C4BPA: variants seen among roughly 807,000 people sequenced by gnomAD.
The protein encoded by C4BPA is C4b-binding protein alpha chain.
C4BPA carries 31 observed loss-of-function variants against 63.7 expected under a neutral mutation model. The observed-to-expected ratio is 0.49, with a 90% CI of 0.37 to 0.66. C4BPA has a LOEUF of 0.66. C4BPA is among the 30% of genes least tolerant of loss of function. The pLI is 0.00. For missense variants in C4BPA, 572 were observed against 723.3 expected, an observed-to-expected ratio of 0.79 and a Z score of 2.40; for synonymous variants, 259 against 254.7, an observed-to-expected ratio of 1.02 and a Z score of -0.16.
chr1:207,135,482 G>C (rs1376259272), intron 9 of C4BPA, among the ~76,000 whole-genome samples: 1 of 152,160 alleles, frequency 6.6e-6, no homozygotes, highest in African/African-American at 2.4e-5. Context: ...TCCATCAATA[G>C]GAAAATTCCT....
At chr1:207,141,760 G>A (rs1003010143) in intron 10 of C4BPA, among the ~76,000 whole-genome samples, 5 of 152,084 alleles carry the variant, frequency 3.3e-5, no homozygotes, top group East Asian at 1.9e-4. Context: ...AGGGGGACTC[G>A]TAGTTTGCAG....
chr1:207,114,257 C>T lies in C4BPA; in HGVS notation c.300C>T (p.Gly100=), dbSNP rs756182911. Residue 100 remains glycine (G), a synonymous_variant, in exon 3 of 12, where the codon GGC becomes GGT. Coordinates refer to ENST00000367070, the MANE Select transcript of C4BPA (RefSeq NM_000715.4). ...AGACGCTTACCTGTAATTCTGATGG[C>T]GAATGGGTGTATAACACCTTCTGTA... is the stretch of plus-strand genomic sequence containing the variant. ...STQTLTCNSD[G]EWVYNTFCIY... 33 of 1,612,718 alleles carry T rather than the reference C, an allele frequency of 2.0e-5. No individual in the cohort carries two copies. In the South Asian group the frequency reaches 2.1e-4, roughly 10 times the overall value.
intron 9 of C4BPA, among the ~76,000 whole-genome samples, chr1:207,138,885 A>T (rs1171489870): frequency 6.6e-6 from 1 of 152,158 alleles, no homozygotes; most frequent in African/African-American, 2.4e-5. Flanking sequence ...TGAAAATTGT[A>T]TTGATGTGGC....
At chr1:207,133,188 A>G (rs12087872) in intron 8 of C4BPA, among the ~76,000 whole-genome samples, 39,697 of 152,192 alleles carry the variant, frequency 0.26, 5,378 homozygotes, top group South Asian at 0.29. Context: ...TATTTTCTGC[A>G]CTGCAAAGCA....
intron 9 of C4BPA, among the ~76,000 whole-genome samples, chr1:207,140,804 A>G (rs1685397651): frequency 1.3e-5 from 2 of 152,290 alleles, no homozygotes; most frequent in East Asian, 3.9e-4. Context: ...TATGAGTATG[A>G]TATGACCTAA....
At chr1:207,106,880 C>T (rs191011937) in intron 1 of C4BPA, among the ~76,000 whole-genome samples, 5 of 152,240 alleles carry the variant, frequency 3.3e-5, no homozygotes, top group East Asian at 3.9e-4. Context: ...TGATAATCTG[C>T]GTGATAAAAC....
chr1:207,112,349 TG>T (rs749570809), intron 1 of C4BPA, among the ~76,000 whole-genome samples: 1,721 of 138,814 alleles, frequency 0.012, 42 homozygotes, highest in African/African-American at 0.051. Flanking sequence ...CCTGCCTTTT[TG>T]TTTTTTTTTT....
At chr1:207,141,002 G>C in intron 9 of C4BPA, 104 bp from the exon 10 acceptor site, 1 of 839,778 alleles carries the variant, frequency 1.2e-6, no homozygotes, top group Non-Finnish European at 1.8e-6. Context: ...AGCGAGGATA[G>C]AAGGACAGAA....
chr1:207,116,958 C>T (rs563484713), intron 4 of C4BPA, among the ~76,000 whole-genome samples: 3 of 152,130 alleles, frequency 2.0e-5, no homozygotes, highest in East Asian at 1.9e-4. Context: ...ATTCAATGCC[C>T]GTATTTTTCC....
intron 4 of C4BPA, among the ~76,000 whole-genome samples, chr1:207,122,976 T>G (rs1333488722): frequency 6.6e-6 from 1 of 152,206 alleles, no homozygotes; most frequent in Non-Finnish European, 1.5e-5. Context: ...CCTATATCTA[T>G]TAGTTTTCTC....
chr1:207,124,253 C>T lies in C4BPA; in HGVS notation c.593C>T (p.Ser198Phe). 6.2e-7 allele frequency: 1 copy of T among 1,613,902 alleles called. No homozygotes were observed. Among genetic ancestry groups the T allele is most frequent in the Non-Finnish European group, 8.5e-7 (1 of 1,179,858 alleles). The part of the protein sequence containing the change: ...GEENFYAYGF[S>F]VTYSCDPRFS... ...GAAAATTTCTACGCATACGGCTTTT[C>T]TGTCACCTACAGCTGTGACCCCCGC... The change falls in exon 6 of 12, where the codon TCT becomes TTT. Residue 198 changes from serine (S) to phenylalanine (F), a missense_variant. Physicochemically the swap from Ser to Phe is radical, Grantham distance 155 (BLOSUM62 -2). Around this residue, in one of 2 missense-constraint regions of C4BPA, gnomAD observed 465 missense variants for 629.4 expected, o/e 0.74. Coordinates refer to ENST00000367070, the MANE Select transcript of C4BPA (RefSeq NM_000715.4).
At chr1:207,132,325 G>A (rs4266889) in intron 8 of C4BPA, among the ~76,000 whole-genome samples, 61,001 of 152,034 alleles carry the variant, frequency 0.4, 12,736 homozygotes, top group African/African-American at 0.51. Flanking sequence ...GTGGAAATGA[G>A]TGAGGGACTG....
At position 207,144,733 on chromosome 1, in the gene C4BPA, G is replaced by A. The variant is rs778994810; in HGVS notation, c.*16G>A. 27 of 1,575,058 alleles carry A rather than the reference G, an allele frequency of 1.7e-5. No homozygotes were observed. The highest frequency in any genetic ancestry group is 2.2e-5 in the Non-Finnish European group (25 of 1,157,128). On this transcript the variant is annotated 3_prime_UTR_variant, in exon 12 of 12. Transcript: ENST00000367070. ...AGAACTATAATTTTTCTCAAAAGAAGGAGGAAAAGGTGTCTTGCTGGCTTG... is the reference window on the plus strand; with the variant it reads ...AGAACTATAATTTTTCTCAAAAGAAAGAGGAAAAGGTGTCTTGCTGGCTTG...
At chr1:207,110,642 G>C (rs973271401) in intron 1 of C4BPA, among the ~76,000 whole-genome samples, 8 of 151,906 alleles carry the variant, frequency 5.3e-5, no homozygotes, top group African/African-American at 1.9e-4. Flanking sequence ...TTTTAGAAAA[G>C]AAAAAGAAAA....
At chr1:207,144,397 C>A in intron 11 of C4BPA, 147 bp from the exon 12 acceptor site, 1 of 620,492 alleles carries the variant, frequency 1.6e-6, no homozygotes, top group Non-Finnish European at 2.7e-6. Context: ...GTGGTGGGAC[C>A]CAAGTGATTT....
chr1:207,116,516 A>ATGTGTGTG (rs57449727), intron 4 of C4BPA, among the ~76,000 whole-genome samples: 382 of 79,998 alleles, frequency 4.8e-3, no homozygotes, highest in Non-Finnish European at 8.5e-3. Context: ...GTGTGTGTAT[A>ATGTGTGTG]TGTGTGTGTG....
At chr1:207,120,421 T>C (rs1684899045) in intron 4 of C4BPA, among the ~76,000 whole-genome samples, 1 of 152,216 alleles carries the variant, frequency 6.6e-6, no homozygotes, top group South Asian at 2.1e-4. Flanking sequence ...CTCTAATTTT[T>C]GGAACTCTTG....
Position 207,144,779 on chromosome 1 carries a change from ATCAGTT to A in C4BPA, c.*64_*69del. On this transcript the variant is annotated 3_prime_UTR_variant, in exon 12 of 12. Coordinates refer to ENST00000367070, the MANE Select transcript of C4BPA (RefSeq NM_000715.4). Reference sequence around the variant, plus strand: ...GCTTGCCTCTTGCAATTCAATACAGATCAGTTTAGCAAATCTACTGTCAATTTGGCA... The same window carrying A: ...GCTTGCCTCTTGCAATTCAATACAGATAGCAAATCTACTGTCAATTTGGCA... The A allele has an allele frequency of 9.1e-7, 1 of 1,097,568 alleles. No homozygotes were observed. The highest frequency in any genetic ancestry group is 1.3e-6 in the Non-Finnish European group (1 of 788,650). 68.0% of individuals were successfully genotyped at this position (1,097,568 alleles called of 1,614,324 possible).
At chr1:207,117,308 G>A (rs1684819040) in intron 4 of C4BPA, among the ~76,000 whole-genome samples, 1 of 152,064 alleles carries the variant, frequency 6.6e-6, no homozygotes, top group African/African-American at 2.4e-5. Flanking sequence ...AACATTAGCC[G>A]AGTGTGGTAG....
Sources: gnomAD v4.1 joint callset for allele counts (sites outside exome capture counted in the v4.1 genomes callset) on GRCh38, gnomAD v4.1.1 for gene constraint, gnomAD v4.1.1 regional missense constraint, MANE v1.5 for transcripts, NCBI Gene and HGNC (gene_info 2026-07-23, HGNC 2026-07-21) for gene names.